The following RAP1GAP2 variants were observed in gnomAD, a reference collection of about 807,000 sequenced individuals.
The protein encoded by RAP1GAP2 is RAP1 GTPase activating protein 2.
RAP1GAP2 carries 27 observed loss-of-function variants against 95.0 expected under a neutral mutation model. That is an observed-to-expected ratio of 0.28 (90% CI 0.21 to 0.39). The LOEUF is 0.39. Among genes scored for constraint, RAP1GAP2 ranks in the 10% least tolerant of loss-of-function variants. The pLI is 1.00. For synonymous variants in RAP1GAP2, 373 were observed against 380.9 expected, an observed-to-expected ratio of 0.98 and a Z score of 0.24; for missense variants, 771 against 970.0, an observed-to-expected ratio of 0.79 and a Z score of 2.72.
At chr17:2,832,375 G>A (rs1014242225) in intron 2 of RAP1GAP2, among the ~76,000 whole-genome samples, 141 of 150,600 alleles carry the variant, frequency 9.4e-4, no homozygotes, top group Non-Finnish European at 1.5e-3. Context: ...TGGCTAAAAC[G>A]GTGAAACCCC....
chr17:2,865,674 G>T (rs1035524992), intron 2 of RAP1GAP2, among the ~76,000 whole-genome samples: 1 of 152,192 alleles, frequency 6.6e-6, no homozygotes, highest in Non-Finnish European at 1.5e-5. Context: ...GGGCTTTTGA[G>T]AGTGACAGCA....
At chr17:2,789,606 C>CTA (rs2068871702) in intron 1 of RAP1GAP2, among the ~76,000 whole-genome samples, 1 of 60,278 alleles carries the variant, frequency 1.7e-5, no homozygotes. Context: ...ACAGTCTCTA[C>CTA]TAAAAAAAAA....
chr17:2,762,586 A>G (rs2071275890), intron 1 of RAP1GAP2, among the ~76,000 whole-genome samples: 1 of 149,888 alleles, frequency 6.7e-6, no homozygotes, highest in South Asian at 2.1e-4. Context: ...TTTTTGGTAG[A>G]GATGGGATTT....
Position 3,003,822 on chromosome 17 carries a change from G to C in RAP1GAP2, c.1201-1547G>C, listed in dbSNP as rs1044840364. Among the ~76,000 whole-genome samples, 12 of 152,202 alleles carry C rather than the reference G, an allele frequency of 7.9e-5. No homozygotes were observed. Among genetic ancestry groups the C allele is most frequent in the African/African-American group, 2.9e-4 (12 of 41,452 alleles). On this transcript the variant is annotated intron_variant, in intron 14 of 24. Coordinates refer to ENST00000254695, the MANE Select transcript of RAP1GAP2 (RefSeq NM_015085.5). This position sits in a 1 kb window ranked among gnomAD's most constrained non-coding sequence, Gnocchi z 4.1. ...AAGGCCTGGCCGCCTGGTTGGAATG[G>C]GGTCAAGAGAGGCGCACAATGAGGA...
intron 3 of RAP1GAP2, among the ~76,000 whole-genome samples, chr17:2,925,242 C>G (rs1447710937): frequency 6.6e-6 from 1 of 152,162 alleles, no homozygotes. Flanking sequence ...AAAAGTGATG[C>G]AAGATGAGCC....
chr17:2,992,052 C>T (rs958540824), intron 12 of RAP1GAP2, among the ~76,000 whole-genome samples: 2 of 152,196 alleles, frequency 1.3e-5, no homozygotes, highest in South Asian at 2.1e-4. Flanking sequence ...CGGCGTGAGC[C>T]GCCGCGCCTG....
intron 2 of RAP1GAP2, among the ~76,000 whole-genome samples, chr17:2,895,257 C>T (rs1005911145): frequency 1.1e-4 from 16 of 152,132 alleles, no homozygotes; most frequent in African/African-American, 1.7e-4. Context: ...CGGGGGCCCG[C>T]GGGGAGGCAG....
intron 3 of RAP1GAP2, among the ~76,000 whole-genome samples, chr17:2,942,610 T>G (rs1597674529): frequency 1.3e-5 from 2 of 152,174 alleles, no homozygotes; most frequent in East Asian, 3.9e-4. Flanking sequence ...CGTGTGCTCT[T>G]CAGTGTACCA....
intron 12 of RAP1GAP2, among the ~76,000 whole-genome samples, chr17:2,991,845 A>G (rs1264144680): frequency 6.6e-6 from 1 of 150,620 alleles, no homozygotes; most frequent in African/African-American, 2.4e-5. Flanking sequence ...GCTCACTGCA[A>G]CCTCCACCTC....
intron 2 of RAP1GAP2, among the ~76,000 whole-genome samples, chr17:2,874,566 A>C (rs1350821247): frequency 1.3e-5 from 2 of 152,280 alleles, no homozygotes; most frequent in African/African-American, 4.8e-5. Flanking sequence ...GGAAAGGAGA[A>C]AGAGGTGGAA....
At chr17:2,978,830 G>T (rs2045231826) in intron 8 of RAP1GAP2, among the ~76,000 whole-genome samples, 1 of 151,964 alleles carries the variant, frequency 6.6e-6, no homozygotes, top group Admixed American at 6.6e-5. Context: ...AGCTACTTGG[G>T]AGCCTAAGGC....
rs1252863087 is a variant in RAP1GAP2 at position 2,870,148 on chromosome 17, C to T, written c.81-35136C>T. Among the ~76,000 whole-genome samples the T allele has an allele frequency of 2.5e-4, 38 of 150,080 alleles. No homozygotes were observed. Among genetic ancestry groups the T allele is most frequent in the East Asian group, 2.0e-4 (1 of 5,088 alleles). On this transcript the variant is annotated intron_variant, in intron 2 of 24. Coordinates refer to ENST00000254695, the MANE Select transcript of RAP1GAP2 (RefSeq NM_015085.5). The surrounding 1 kb of genome is among the most constrained non-coding windows in gnomAD (Gnocchi z 4.4). Reference sequence around the variant, plus strand: ...TTTTTTTTTTTTGGAGATGGAGTCTCGCACTGTCACCCGGGCTGGAATGCA... The same window carrying T: ...TTTTTTTTTTTTGGAGATGGAGTCTTGCACTGTCACCCGGGCTGGAATGCA...
intron 2 of RAP1GAP2, among the ~76,000 whole-genome samples, chr17:2,876,317 A>G (rs560867690): frequency 2.6e-4 from 39 of 152,302 alleles, no homozygotes; most frequent in Non-Finnish European, 3.7e-4. Flanking sequence ...AGAGTGACCA[A>G]TGTAGCCCCA....
chr17:2,933,263 G>C (rs2043212621), intron 3 of RAP1GAP2, among the ~76,000 whole-genome samples: 1 of 152,154 alleles, frequency 6.6e-6, no homozygotes, highest in Non-Finnish European at 1.5e-5. Context: ...TGTGCCTCTT[G>C]ACACAGCCAG....
intron 13 of RAP1GAP2, among the ~76,000 whole-genome samples, chr17:2,996,588 G>T (rs1327684732): frequency 6.6e-6 from 1 of 152,152 alleles, no homozygotes; most frequent in Non-Finnish European, 1.5e-5. Flanking sequence ...TCCAAAGTGG[G>T]TTTTCATTCA....
intron 21 of RAP1GAP2, among the ~76,000 whole-genome samples, 186 bp downstream of exon 21, chr17:3,026,650 C>G (rs2047127679): frequency 6.6e-6 from 1 of 151,734 alleles, no homozygotes; most frequent in African/African-American, 2.4e-5. Context: ...GAGGGGACCT[C>G]TCTCTCAGAG....
At chr17:2,913,538 C>T (rs905059455) in intron 3 of RAP1GAP2, among the ~76,000 whole-genome samples, 8 of 152,208 alleles carry the variant, frequency 5.3e-5, no homozygotes, top group Non-Finnish European at 1.0e-4. Flanking sequence ...ATCCGCCGGC[C>T]TCAGCCTCCC....
chr17:3,017,572 T>C (rs1166482410), intron 17 of RAP1GAP2, among the ~76,000 whole-genome samples: 1 of 152,216 alleles, frequency 6.6e-6, no homozygotes, highest in Non-Finnish European at 1.5e-5. Flanking sequence ...CTCAGTTTTC[T>C]GGAAAAGAGT....
At chr17:2,795,828 C>T (rs780867572), upstream of RAP1GAP2, among the ~76,000 whole-genome samples, 6 of 152,032 alleles carry the variant, frequency 3.9e-5, no homozygotes, top group Non-Finnish European at 7.4e-5. Flanking sequence ...GCGTGTGTGC[C>T]GCGCTGTGCT....
Sources: gnomAD v4.1 joint callset for allele counts (sites outside exome capture counted in the v4.1 genomes callset) on GRCh38, gnomAD v4.1.1 for gene constraint, Gnocchi (gnomAD v3.1) non-coding constraint, MANE v1.5 for transcripts, NCBI Gene and HGNC (gene_info 2026-07-23, HGNC 2026-07-21) for gene names.